IL13RA2: variants seen among roughly 807,000 people sequenced by gnomAD.
IL13RA2 encodes interleukin 13 receptor subunit alpha 2.
Under a neutral mutation model 34.1 loss-of-function variants are expected in IL13RA2, and 25 were observed. The ratio of observed to expected loss-of-function variants is 0.73; its 90% CI spans 0.53 to 1.03. IL13RA2 has a LOEUF of 1.03. IL13RA2 is among the 50% of genes least tolerant of loss of function. IL13RA2 has a pLI of 0.00. For missense variants in IL13RA2, 297 were observed against 280.9 expected (o/e 1.06, Z -0.41); for synonymous variants, 106 against 100.4 (o/e 1.06, Z -0.33).
chrX:115,015,541 G>A (rs1257362903), intron 3 of IL13RA2, 129 bp downstream of exon 3: 1 of 539,597 alleles, frequency 1.9e-6, no homozygotes, highest in Admixed American at 2.7e-5. Context: ...AGACAGAAGC[G>A]GGTGTGGAAG....
chrX:115,015,760 T>C lies in IL13RA2; in HGVS notation c.156A>G (p.Gln52=). Residue 52 remains glutamine (Q), a synonymous_variant, in exon 3 of 10, where the codon CAA becomes CAG. Coordinates refer to ENST00000243213, the MANE Select transcript of IL13RA2 (RefSeq NM_000640.3). ...GATCCAGAGACAGTGGGGGTTGCCA[T>C]TGCAAATAGAGATAACCTAAGTATC... ...DPGYLGYLYL[Q]WQPPLSLDHF... is the part of the protein sequence containing the mutation. 8.4e-7 allele frequency: 1 copy of C among 1,190,304 alleles called. No individual in the cohort carries two copies. Among genetic ancestry groups the C allele is most frequent in the Non-Finnish European group, 1.1e-6 (1 of 875,844 alleles).
At chrX:115,004,998 C>T (rs183237378) in intron 9 of IL13RA2, among the ~76,000 whole-genome samples, 199 bp downstream of exon 9, 2 of 112,837 alleles carry the variant, frequency 1.8e-5, no homozygotes, top group East Asian at 5.6e-4. Flanking sequence ...AGTAAATCCA[C>T]CTCAAAATGA....
Position 115,005,228 on chromosome X carries a change from A to G in IL13RA2, c.1085T>C (p.Leu362Pro). Residue 362 changes from leucine (L) to proline (P), a missense_variant, in exon 9 of 10, where the codon CTT (leucine) becomes CCT (proline). Leu to Pro is a moderately conservative substitution (Grantham distance 98). Transcript: ENST00000243213. The part of the protein sequence containing the change: ...LILVIFVTGL[L>P]LRKPNTYPKM... ...TGGGTAGGTGTTTGGCTTACGCAAA[A>G]GCAGACCGGTTACAAATATAACTAA... 1 of 1,103,475 alleles carries G rather than the reference A, an allele frequency of 9.1e-7. No homozygotes were observed. Among genetic ancestry groups the G allele is most frequent in the Non-Finnish European group, 1.3e-6 (1 of 796,572 alleles). The allele number at this position is 1,103,475 out of a possible 1,213,427, so 90.9% of individuals were successfully genotyped here. A position where few individuals can be genotyped will look rare whatever the true frequency, so the allele number is the denominator to read the frequency against.
At position 115,004,005 on chromosome X, in the gene IL13RA2, T is replaced by C; in HGVS notation, c.*75A>G. 1.7e-6 allele frequency: 1 copy of C among 589,995 alleles called. No homozygotes were observed. Among genetic ancestry groups the C allele is most frequent in the South Asian group, 2.7e-5 (1 of 37,722 alleles). The allele number at this position is 589,995 out of a possible 1,213,427, so 48.6% of individuals were successfully genotyped here. A position where few individuals can be genotyped will look rare whatever the true frequency, so the allele number is the denominator to read the frequency against. On this transcript the variant is annotated 3_prime_UTR_variant, in exon 10 of 10. Transcript: ENST00000243213. The stretch of plus-strand genomic sequence containing the variant: ...CATTCGCAAGAAAAATTCAGTTTAT[T>C]GAGACTCATATTGAACATTTGGCCA...
rs782334193 is a variant in IL13RA2 at position 115,010,636 on chromosome X, T to G, written c.706+8A>C. ...ATGAATTTGAAGTTGTTTGTTGGTT[T>G]ACATCACCTATATTTTGAAGCTGAA... is the stretch of plus-strand genomic sequence containing the variant. On this transcript the variant is annotated splice_region_variant and intron_variant, in intron 6 of 9. Transcript: ENST00000243213. The G allele has an allele frequency of 1.3e-6, 1 of 785,576 alleles. No homozygotes were observed. Among genetic ancestry groups the G allele is most frequent in the African/African-American group, 2.1e-5 (1 of 46,656 alleles). 64.7% of individuals were successfully genotyped at this position (785,576 alleles called of 1,213,427 possible). A position where few individuals can be genotyped will look rare whatever the true frequency, so the allele number is the denominator to read the frequency against.
intron 7 of IL13RA2, among the ~76,000 whole-genome samples, chrX:115,009,006 A>G (rs1300516333): frequency 2.7e-5 from 3 of 111,624 alleles, no homozygotes; most frequent in Non-Finnish European, 3.8e-5. Flanking sequence ...TAAACTGGAA[A>G]CTAATAAGGA....
chrX:115,013,975 A>G lies in IL13RA2; in HGVS notation c.401-86T>C, dbSNP rs2071716623. On this transcript the variant is annotated intron_variant, in intron 4 of 9. Coordinates refer to ENST00000243213, the MANE Select transcript of IL13RA2 (RefSeq NM_000640.3). ...ATTTCTCAATTTTACTTCATTTCCT[A>G]TGACCTCTCCATTTTATTTTGCAAT... is the stretch of plus-strand genomic sequence containing the variant. 13 of 623,189 alleles carry G rather than the reference A, an allele frequency of 2.1e-5. No homozygotes were observed. In the Admixed American group the frequency reaches 3.4e-4, roughly 16 times the overall value. 51.4% of individuals were successfully genotyped at this position (623,189 alleles called of 1,213,427 possible). A position where few individuals can be genotyped will look rare whatever the true frequency, so the allele number is the denominator to read the frequency against.
At chrX:115,008,954 GA>G (rs1464225942) in intron 7 of IL13RA2, among the ~76,000 whole-genome samples, 5 of 111,666 alleles carry the variant, frequency 4.5e-5, no homozygotes, top group African/African-American at 6.5e-5. Flanking sequence ...TGAAAGGAAT[GA>G]ATTAGAACTA....
chrX:115,011,296 G>A (rs1436789257), intron 5 of IL13RA2, among the ~76,000 whole-genome samples: 2 of 111,482 alleles, frequency 1.8e-5, no homozygotes, highest in African/African-American at 6.5e-5. Flanking sequence ...ATGAAAATCT[G>A]GAGTATACAA....
At chrX:115,014,324 C>T in intron 4 of IL13RA2, 97 bp downstream of exon 4, 1 of 595,779 alleles carries the variant, frequency 1.7e-6, no homozygotes, top group Admixed American at 3.1e-5. Context: ...GTCACAGGAT[C>T]TATTGTGCCT....
chrX:115,013,865 T>C lies in IL13RA2; in HGVS notation c.425A>G (p.Asp142Gly). Reference protein sequence around the residue: ...PQGIPETKVQDMDCVYYNWQY... With the variant: ...PQGIPETKVQGMDCVYYNWQY... ...CCAATTGTAATATACGCAATCCATA[T>C]CCTGAACTTTAGTTTCTGGAATTCC... Residue 142 changes from aspartate (D) to glycine (G), a missense_variant, in exon 5 of 10, where the codon GAT (aspartate) becomes GGT (glycine). By Grantham distance (94) the Asp-to-Gly change is moderately conservative (BLOSUM62 -1). Transcript: ENST00000243213. 2 of 1,031,726 alleles carry C rather than the reference T, an allele frequency of 1.9e-6. No individual in the cohort carries two copies. The highest frequency in any genetic ancestry group is 2.7e-6 in the Non-Finnish European group (2 of 733,364). The allele number at this position is 1,031,726 out of a possible 1,213,427, so 85.0% of individuals were successfully genotyped here.
In IL13RA2 at chrX:115,010,797, C is replaced by T. The variant is rs782577067; in HGVS notation, c.553G>A (p.Val185Ile). The change falls in exon 6 of 10, where the codon GTT (valine) becomes ATT (isoleucine). Residue 185 changes from valine to isoleucine, a missense_variant. Physicochemically the swap from Val to Ile is conservative, Grantham distance 29. Transcript: ENST00000243213. ...YEGLDHALQCVDYIKADGQNI... is the reference protein window; with the variant it reads ...YEGLDHALQCIDYIKADGQNI... ...TGTCCATCAGCCTTGATGTAATCAA[C>T]ACACTGTAATGCATGATCCAAGCCC... 1 of 1,127,309 alleles carries T rather than the reference C, an allele frequency of 8.9e-7. No homozygotes were observed. The highest frequency in any genetic ancestry group is 3.1e-5 in the East Asian group (1 of 32,311). The allele number at this position is 1,127,309 out of a possible 1,213,427, so 92.9% of individuals were successfully genotyped here. A position where few individuals can be genotyped will look rare whatever the true frequency, so the allele number is the denominator to read the frequency against.
At chrX:115,015,889 G>T in intron 2 of IL13RA2, 68 bp from the exon 3 acceptor site, 1 of 744,600 alleles carries the variant, frequency 1.3e-6, no homozygotes, top group Non-Finnish European at 2.0e-6. Context: ...AAATCTAGAT[G>T]GCTTCCAAAT....
At chrX:115,016,123 T>C (rs1478802115) in intron 2 of IL13RA2, among the ~76,000 whole-genome samples, 1 of 110,178 alleles carries the variant, frequency 9.1e-6, no homozygotes, top group Non-Finnish European at 1.9e-5. Context: ...GAAAGTAGAT[T>C]CGTGGTTGGT....
intron 8 of IL13RA2, among the ~76,000 whole-genome samples, chrX:115,006,689 A>C (rs782348639): frequency 4.2e-4 from 47 of 111,737 alleles, no homozygotes; most frequent in African/African-American, 1.5e-3. Context: ...TACCAAAAAA[A>C]GGAAAAGATT....
chrX:115,007,249 T>C (rs969511776), intron 8 of IL13RA2, among the ~76,000 whole-genome samples: 3 of 112,091 alleles, frequency 2.7e-5, no homozygotes, highest in Non-Finnish European at 5.6e-5. Context: ...GATATGGCAG[T>C]ATCTGTCTGT....
At chrX:115,010,513 G>A (rs2071701901) in intron 6 of IL13RA2, 131 bp downstream of exon 6, 1 of 375,420 alleles carries the variant, frequency 2.7e-6, no homozygotes, top group Admixed American at 4.6e-5. Context: ...ATTTCCATAG[G>A]TCTCTGTCTC....
rs781999477 is a variant in IL13RA2, at chrX:115,005,184, T to G, written c.1116+13A>C. 25 of 713,095 alleles carry G rather than the reference T, an allele frequency of 3.5e-5. No individual in the cohort carries two copies. Among genetic ancestry groups the G allele is most frequent in the Non-Finnish European group, 5.4e-5 (24 of 440,386 alleles). The allele number at this position is 713,095 out of a possible 1,213,427, so 58.8% of individuals were successfully genotyped here. A position where few individuals can be genotyped will look rare whatever the true frequency, so the allele number is the denominator to read the frequency against. ...TATTCTCAGGCTAAACATCATAATG[T>G]TACACATCTTACCATTTTTGGGTAG... On this transcript the variant is annotated intron_variant, in intron 9 of 9. Transcript: ENST00000243213.
Position 115,015,805 on chromosome X carries a change from A to G in IL13RA2, c.111T>C (p.Asp37=). Residue 37 remains aspartate, a synonymous_variant, in exon 3 of 10, where the codon GAT becomes GAC. Coordinates refer to ENST00000243213, the MANE Select transcript of IL13RA2 (RefSeq NM_000640.3). ...AGTATCCGGGATCCACTATCTCAAAATCCTGAGGAGGGTTAACTGAAATAA... is the reference window on the plus strand; with the variant it reads ...AGTATCCGGGATCCACTATCTCAAAGTCCTGAGGAGGGTTAACTGAAATAA... ...DTEIKVNPPQ[D]FEIVDPGYLG... is the part of the protein sequence containing the mutation. The G allele has an allele frequency of 3.4e-6, 4 of 1,175,950 alleles. No homozygotes were observed. The highest frequency in any genetic ancestry group is 3.5e-6 in the Non-Finnish European group (3 of 864,272).
Sources: gnomAD v4.1 joint callset for allele counts (sites outside exome capture counted in the v4.1 genomes callset) on GRCh38, gnomAD v4.1.1 for gene constraint, MANE v1.5 for transcripts, NCBI Gene and HGNC (gene_info 2026-07-23, HGNC 2026-07-21) for gene names.